MAP4: variants seen among roughly 807,000 people sequenced by gnomAD.
MAP4 encodes microtubule-associated protein 4.
In MAP4, 76 loss-of-function variants were observed where a neutral mutation model predicts 170.2. The ratio of observed to expected loss-of-function variants is 0.45; its 90% CI spans 0.37 to 0.54. The LOEUF (loss-of-function observed/expected upper bound fraction) is 0.54. Among genes scored for constraint, MAP4 ranks in the 20% least tolerant of loss-of-function variants. The pLI is 0.00. For missense variants in MAP4, 2,506 were observed against 2,748.0 expected, an observed-to-expected ratio of 0.91 and a Z score of 1.97; for synonymous variants, 909 against 994.5, an observed-to-expected ratio of 0.91 and a Z score of 1.62.
chr3:47,944,926 G>T (rs1559547991), intron 3 of MAP4, among the ~76,000 whole-genome samples: 1 of 148,488 alleles, frequency 6.7e-6, no homozygotes. Context: ...TAATGGTATT[G>T]CAATTATGCT....
chr3:47,999,814 T>C (rs1199299576), intron 1 of MAP4, among the ~76,000 whole-genome samples: 5 of 148,276 alleles, frequency 3.4e-5, no homozygotes, highest in African/African-American at 1.3e-4. Flanking sequence ...CAACAAACCT[T>C]CACATATACC....
At chr3:47,941,858 T>G (rs184666698) in intron 3 of MAP4, among the ~76,000 whole-genome samples, 139 of 152,194 alleles carry the variant, frequency 9.1e-4, no homozygotes, top group African/African-American at 3.2e-3. Context: ...AAACTATACT[T>G]CTCAATAAAA....
At chr3:47,991,127 T>C (rs772658102) in intron 2 of MAP4, among the ~76,000 whole-genome samples, 2 of 152,176 alleles carry the variant, frequency 1.3e-5, no homozygotes, top group Non-Finnish European at 2.9e-5. Flanking sequence ...GCAGAAATCA[T>C]ACTTAGAGAA....
At chr3:48,081,342 A>G (rs1482334410) in intron 1 of MAP4, among the ~76,000 whole-genome samples, 1 of 151,882 alleles carries the variant, frequency 6.6e-6, no homozygotes, top group Non-Finnish European at 1.5e-5. Context: ...TAAATCTTCA[A>G]TTCTAGATAC....
intron 1 of MAP4, among the ~76,000 whole-genome samples, chr3:48,031,756 G>A (rs539100196): frequency 6.6e-6 from 1 of 152,242 alleles, no homozygotes; most frequent in East Asian, 1.9e-4. Flanking sequence ...GGTGGCATGT[G>A]CCTATGGTCC....
intron 1 of MAP4, among the ~76,000 whole-genome samples, chr3:48,048,399 G>C (rs1192821030): frequency 6.7e-6 from 1 of 149,762 alleles, no homozygotes; most frequent in Non-Finnish European, 1.5e-5. Context: ...GCAACATCTA[G>C]TATTTAAGAA....
At chr3:47,900,735 AAAC>A (rs376549564) in intron 10 of MAP4, among the ~76,000 whole-genome samples, 100 of 151,966 alleles carry the variant, frequency 6.6e-4, no homozygotes, top group East Asian at 1.7e-3. Flanking sequence ...GACTGTCTCA[AAAC>A]AACAACAACA....
intron 3 of MAP4, among the ~76,000 whole-genome samples, chr3:47,938,625 C>T (rs1217256977): frequency 6.6e-6 from 1 of 152,202 alleles, no homozygotes; most frequent in African/African-American, 2.4e-5. Flanking sequence ...CTCAAGCAAT[C>T]CTCCGGATTT....
chr3:47,901,527 T>C (rs1215392388), intron 10 of MAP4, among the ~76,000 whole-genome samples: 1 of 151,942 alleles, frequency 6.6e-6, no homozygotes, highest in Non-Finnish European at 1.5e-5. Context: ...AATACAAAAA[T>C]TAGCCGGGCA....
intron 1 of MAP4, among the ~76,000 whole-genome samples, chr3:48,058,990 G>A (rs1579668545): frequency 6.6e-6 from 1 of 152,044 alleles, no homozygotes; most frequent in Non-Finnish European, 1.5e-5. Context: ...TGTGGGCCAG[G>A]CTGCTCTTGA....
At chr3:48,061,592 G>A (rs2100135314) in intron 1 of MAP4, among the ~76,000 whole-genome samples, 1 of 152,220 alleles carries the variant, frequency 6.6e-6, no homozygotes, top group Non-Finnish European at 1.5e-5. Context: ...TGCCAAGATT[G>A]CAGCCTCTGC....
At chr3:47,861,768 A>T (rs1467024823) in intron 17 of MAP4, among the ~76,000 whole-genome samples, 1 of 152,104 alleles carries the variant, frequency 6.6e-6, no homozygotes, top group Non-Finnish European at 1.5e-5. Context: ...CTGAGGCAGG[A>T]GAATTGATTG....
At chr3:48,047,131 T>TAAAA (rs1449602658) in intron 1 of MAP4, among the ~76,000 whole-genome samples, 22 of 151,536 alleles carry the variant, frequency 1.5e-4, no homozygotes, top group South Asian at 6.2e-4. Flanking sequence ...AATAAATAAA[T>TAAAA]AAAAATGTTA....
At chr3:47,859,537 C>T (rs1024861454) in intron 17 of MAP4, among the ~76,000 whole-genome samples, 2 of 152,232 alleles carry the variant, frequency 1.3e-5, no homozygotes, top group African/African-American at 4.8e-5. Flanking sequence ...CCCAGCAAAC[C>T]CATTATGTTT....
At chr3:47,921,495 A>C (rs771124878) in intron 5 of MAP4, among the ~76,000 whole-genome samples, 1 of 152,152 alleles carries the variant, frequency 6.6e-6, no homozygotes, top group Non-Finnish European at 1.5e-5. Context: ...GAGACTCAAA[A>C]GTCTTTTCCT....
intron 10 of MAP4, among the ~76,000 whole-genome samples, chr3:47,894,765 C>A (rs1290688812): frequency 6.6e-6 from 1 of 151,930 alleles, no homozygotes; most frequent in African/African-American, 2.4e-5. Context: ...ATGGCTCACA[C>A]CTGTAATCCC....
chr3:47,856,873 T>C (rs1196210659), intron 18 of MAP4, among the ~76,000 whole-genome samples: 1 of 152,240 alleles, frequency 6.6e-6, no homozygotes, highest in Non-Finnish European at 1.5e-5. Flanking sequence ...ACGAGGCTGC[T>C]AGGGGACTAC....
intron 18 of MAP4, among the ~76,000 whole-genome samples, 154 bp downstream of exon 18, chr3:47,857,277 C>G (rs2058120113): frequency 6.6e-6 from 1 of 152,244 alleles, no homozygotes; most frequent in South Asian, 2.1e-4. Context: ...AACTCCTGCT[C>G]CCTGACAGAA....
upstream of MAP4, among the ~76,000 whole-genome samples, chr3:48,019,008 T>A (rs2100109229): frequency 6.6e-6 from 1 of 152,028 alleles, no homozygotes; most frequent in Non-Finnish European, 1.5e-5. Context: ...AAGCATGACA[T>A]GATGCAATGT....
Sources: allele counts gnomAD v4.1 joint callset (sites outside exome capture counted in the v4.1 genomes callset), GRCh38; gene constraint gnomAD v4.1.1; transcripts MANE v1.5; gene names NCBI Gene and HGNC (gene_info 2026-07-23, HGNC 2026-07-21).